PRPF18: variants seen among roughly 807,000 people sequenced by gnomAD.
The protein encoded by PRPF18 is pre-mRNA processing factor 18.
Under a neutral mutation model 46.5 loss-of-function variants are expected in PRPF18, and 38 were observed. That is an observed-to-expected ratio of 0.82 (90% CI 0.63 to 1.07). The LOEUF (loss-of-function observed/expected upper bound fraction) is 1.07. PRPF18 is among the 50% of genes least tolerant of loss of function. The pLI, the probability that PRPF18 is intolerant of heterozygous loss-of-function variation, is 0.00. For synonymous variants in PRPF18, 152 were observed against 146.7 expected (o/e 1.04, Z -0.26); for missense variants, 263 against 410.0 (o/e 0.64, Z 3.10).
chr10:13,587,151 T>C lies in PRPF18; in HGVS notation c.65T>C (p.Val22Ala). ...RQLVEDRNLL[V>A]ENKKYFKRSE... is the part of the protein sequence containing the mutation. The stretch of plus-strand genomic sequence containing the variant: ...CTGGTGGAGGACAGGAACCTGCTGG[T>C]GGTGAGGACCCTGCGGTCGTGGGGG... The change falls in exon 1 of 10, where the codon GTG (valine) becomes GCG (alanine). Residue 22 changes from valine (V) to alanine (A), a missense_variant and splice_region_variant. Val to Ala is a moderately conservative substitution (Grantham distance 64, BLOSUM62 0). Coordinates refer to ENST00000378572, the MANE Select transcript of PRPF18 (RefSeq NM_003675.4). 1 of 1,612,804 alleles carries C rather than the reference T, an allele frequency of 6.2e-7. No individual in the cohort carries two copies. The highest frequency in any genetic ancestry group is 8.5e-7 in the Non-Finnish European group (1 of 1,179,104).
At chr10:13,646,229 A>T in the PRPF18 span, 5 of 152,780 alleles carry the variant, frequency 3.3e-5, no homozygotes, top group South Asian at 1.0e-3. Flanking sequence ...CATAGGGTTG[A>T]CTTTCACTTG....
At chr10:13,651,096 C>G in the PRPF18 span, 1 of 152,340 alleles carries the variant, frequency 6.6e-6, no homozygotes, top group South Asian at 2.1e-4. Context: ...CTGTTATCTG[C>G]CCCTGTGCTT....
chr10:13,629,641 A>G (rs1189287013), intron 9 of PRPF18, among the ~76,000 whole-genome samples: 1 of 152,200 alleles, frequency 6.6e-6, no homozygotes, highest in Non-Finnish European at 1.5e-5. Flanking sequence ...TATGAAAAGG[A>G]TGTCACTGAA....
intron 1 of PRPF18, among the ~76,000 whole-genome samples, chr10:13,589,592 C>T (rs1457318921): frequency 2.0e-5 from 3 of 152,200 alleles, no homozygotes; most frequent in Non-Finnish European, 4.4e-5. Flanking sequence ...ACCTACAGTG[C>T]AGATGTCATC....
chr10:13,647,087 G>A, the PRPF18 span: 1 of 346,410 alleles, frequency 2.9e-6, no homozygotes, highest in East Asian at 1.7e-4. Flanking sequence ...GGAGGAGGAT[G>A]GGTTCAGCCA....
downstream of PRPF18, among the ~76,000 whole-genome samples, chr10:13,634,950 G>A (rs910192299): frequency 2.0e-5 from 3 of 152,026 alleles, no homozygotes; most frequent in Non-Finnish European, 4.4e-5. Context: ...TTGCATAGGT[G>A]AACATGTGTC....
At chr10:13,615,625 T>G (rs1010573243) in intron 8 of PRPF18, among the ~76,000 whole-genome samples, 5 of 152,342 alleles carry the variant, frequency 3.3e-5, no homozygotes, top group African/African-American at 1.2e-4. Context: ...CCTTGAGGCC[T>G]GGCTTTATAA....
chr10:13,652,108 C>T, the PRPF18 span: 1 of 692,816 alleles, frequency 1.4e-6, no homozygotes. Flanking sequence ...GAGTTAGCAA[C>T]AGATCATACA....
chr10:13,617,781 A>T (rs1405433499), intron 9 of PRPF18, among the ~76,000 whole-genome samples: 1 of 152,158 alleles, frequency 6.6e-6, no homozygotes, highest in East Asian at 1.9e-4. Context: ...TTATTTTGGA[A>T]GCTATGTAAT....
rs2080304023 is a variant in PRPF18 at position 13,613,832 on chromosome 10, AACAG to A, written c.674_677del (p.Gln225ProfsTer5). On this transcript the variant is annotated frameshift_variant, in exon 7 of 10. Coordinates refer to ENST00000378572, the MANE Select transcript of PRPF18 (RefSeq NM_003675.4). LOFTEE classifies it high-confidence loss of function. The stretch of plus-strand genomic sequence containing the variant: ...GGTAAACTGAACAGTGCGACCCAGA[AACAG>A]ACCGAGTCCTACCTAAGACCACTTT... The A allele has an allele frequency of 6.2e-7, 1 of 1,614,086 alleles. No individual in the cohort carries two copies. The highest frequency in any genetic ancestry group is 8.5e-7 in the Non-Finnish European group (1 of 1,179,996).
intron 1 of PRPF18, among the ~76,000 whole-genome samples, chr10:13,593,758 C>T (rs891274036): frequency 6.6e-6 from 1 of 152,116 alleles, no homozygotes; most frequent in Admixed American, 6.5e-5. Context: ...AATGAAGATC[C>T]AGCTCATGAC....
chr10:13,592,073 CT>C (rs2079971053), intron 1 of PRPF18: 1 of 580,388 alleles, frequency 1.7e-6, no homozygotes, highest in Non-Finnish European at 3.1e-6. Flanking sequence ...CAAGAACCTT[CT>C]TTTTCTTTTC....
At chr10:13,588,266 G>T (rs2079905701) in intron 1 of PRPF18, among the ~76,000 whole-genome samples, 1 of 152,118 alleles carries the variant, frequency 6.6e-6, no homozygotes, top group South Asian at 2.1e-4. Flanking sequence ...AATTAGCTGG[G>T]CGTGGTGGTG....
the PRPF18 span, chr10:13,649,714 CTTGTTCTGGCTGCTCAG>C: frequency 6.6e-6 from 1 of 152,162 alleles, no homozygotes; most frequent in Non-Finnish European, 1.5e-5. Context: ...GGAAGAGACC[CTTGTTCTGGCTGCTCAG>C]CTAAGCCTTT....
chr10:13,594,378 A>G (rs541710036), intron 1 of PRPF18, among the ~76,000 whole-genome samples: 6 of 152,248 alleles, frequency 3.9e-5, no homozygotes, highest in Non-Finnish European at 7.3e-5. Context: ...AAAAAGGAGT[A>G]TCTTAATAGC....
chr10:13,588,884 G>A (rs1012637979), intron 1 of PRPF18, among the ~76,000 whole-genome samples: 2 of 152,132 alleles, frequency 1.3e-5, no homozygotes, highest in Non-Finnish European at 2.9e-5. Flanking sequence ...GATCTTGAAG[G>A]ACTTTTGTTT....
intron 3 of PRPF18, among the ~76,000 whole-genome samples, chr10:13,601,836 A>G (rs952626239): frequency 3.9e-5 from 6 of 152,218 alleles, no homozygotes; most frequent in African/African-American, 1.4e-4. Flanking sequence ...TACTCAACAA[A>G]TTTAGGTATT....
At chr10:13,597,424 A>G (rs1269856536) in intron 1 of PRPF18, 34 bp from the exon 2 acceptor site, 2 of 1,467,000 alleles carry the variant, frequency 1.4e-6, no homozygotes, top group South Asian at 1.3e-5. Context: ...TTGCTCAAGG[A>G]TATATTATTG....
chr10:13,590,452 A>AAAATAT (rs1554806370), intron 1 of PRPF18, among the ~76,000 whole-genome samples: 1 of 140,508 alleles, frequency 7.1e-6, no homozygotes, highest in African/African-American at 2.7e-5. Flanking sequence ...AAAAAAAAAA[A>AAAATAT]ATATATATAT....
Sources: gnomAD v4.1 joint callset for allele counts (sites outside exome capture counted in the v4.1 genomes callset) on GRCh38, gnomAD v4.1.1 for gene constraint, MANE v1.5 for transcripts, NCBI Gene and HGNC (gene_info 2026-07-23, HGNC 2026-07-21) for gene names.